HDAC9: variants seen among roughly 807,000 people sequenced by gnomAD.
HDAC9 encodes histone deacetylase 9.
A neutral mutation model predicts 139.4 loss-of-function variants in HDAC9; 41 were observed. The observed-to-expected ratio is 0.29, with a 90% CI of 0.23 to 0.38. HDAC9 has a LOEUF of 0.38. Among genes scored for constraint, HDAC9 ranks in the 10% least tolerant of loss-of-function variants. The probability of loss-of-function intolerance (pLI) is 1.00; values close to 1 mark genes in which losing one functional copy is unlikely to be tolerated. For synonymous variants in HDAC9, 517 were observed against 476.2 expected (o/e 1.09, Z -1.12); for missense variants, 1,147 against 1,297.0 (o/e 0.88, Z 1.78).
At chr7:18,216,782 A>G (rs1792345856) in intron 2 of HDAC9, among the ~76,000 whole-genome samples, 1 of 152,074 alleles carries the variant, frequency 6.6e-6, no homozygotes, top group Admixed American at 6.6e-5. Flanking sequence ...ATACTGAATG[A>G]TAGTTTTCTG....
At chr7:18,425,045 G>T (rs987194924) in intron 1 of HDAC9, among the ~76,000 whole-genome samples, 1 of 152,036 alleles carries the variant, frequency 6.6e-6, no homozygotes, top group African/African-American at 2.4e-5. Flanking sequence ...CCTAGGAGAG[G>T]TATATGAAAA....
At chr7:18,945,799 G>A (rs1326900842) in intron 23 of HDAC9, among the ~76,000 whole-genome samples, 1 of 151,936 alleles carries the variant, frequency 6.6e-6, no homozygotes, top group Admixed American at 6.6e-5. Context: ...AGCACTTTGG[G>A]AGGCCAAGGT....
chr7:18,533,642 C>G (rs1809820592), intron 2 of HDAC9, among the ~76,000 whole-genome samples: 1 of 152,068 alleles, frequency 6.6e-6, no homozygotes, highest in Non-Finnish European at 1.5e-5. Flanking sequence ...AACAGTGTAT[C>G]TTACCTTATT....
At chr7:18,258,986 T>TG (rs1795465387) in intron 2 of HDAC9, among the ~76,000 whole-genome samples, 1 of 101,806 alleles carries the variant, frequency 9.8e-6, no homozygotes, top group African/African-American at 3.3e-5. Flanking sequence ...TTTTTTTTTT[T>TG]TTAAACAGGG....
chr7:18,800,441 A>G (rs774262323), intron 17 of HDAC9, among the ~76,000 whole-genome samples: 1 of 152,196 alleles, frequency 6.6e-6, no homozygotes, highest in Non-Finnish European at 1.5e-5. Flanking sequence ...GATGAGTTTG[A>G]CAATAATTAA....
chr7:18,947,936 C>T (rs1200151443), intron 23 of HDAC9, among the ~76,000 whole-genome samples: 1 of 151,802 alleles, frequency 6.6e-6, no homozygotes, highest in Non-Finnish European at 1.5e-5. Context: ...ATCAACTTTC[C>T]AAACTAATTC....
intron 13 of HDAC9, among the ~76,000 whole-genome samples, chr7:18,737,221 GTC>G (rs1787003915): frequency 6.6e-6 from 1 of 152,042 alleles, no homozygotes; most frequent in Non-Finnish European, 1.5e-5. Context: ...GGCTTTTTGT[GTC>G]TCTATCTCCT....
At chr7:18,469,723 T>A (rs1434296891) in intron 1 of HDAC9, among the ~76,000 whole-genome samples, 2 of 152,200 alleles carry the variant, frequency 1.3e-5, no homozygotes, top group African/African-American at 4.8e-5. Context: ...TCCTAGTTAT[T>A]GTGAAAATAA....
intron 1 of HDAC9, among the ~76,000 whole-genome samples, chr7:18,450,101 G>A (rs772952632): frequency 3.3e-5 from 5 of 152,150 alleles, no homozygotes; most frequent in Non-Finnish European, 7.4e-5. Flanking sequence ...GAAGTAAGTG[G>A]ACTCAGACTA....
intron 12 of HDAC9, among the ~76,000 whole-genome samples, chr7:18,719,331 C>CTTTTTT (rs757689693): frequency 0.065 from 4,777 of 73,740 alleles, 587 homozygotes; most frequent in East Asian, 0.093. Flanking sequence ...TTTTCTCTTC[C>CTTTTTT]TTTTTTTTTT....
At chr7:18,114,507 A>G (rs1783837555) in intron 1 of HDAC9, among the ~76,000 whole-genome samples, 1 of 152,182 alleles carries the variant, frequency 6.6e-6, no homozygotes, top group Admixed American at 6.5e-5. Flanking sequence ...CTGGAAGGCT[A>G]CCTTTTTAGT....
intron 11 of HDAC9, among the ~76,000 whole-genome samples, chr7:18,656,170 T>A (rs1457356775): frequency 1.3e-5 from 2 of 151,804 alleles, no homozygotes; most frequent in Non-Finnish European, 2.9e-5. Context: ...GACCCTGAAA[T>A]GTCATCTGGT....
At chr7:18,877,692 T>A (rs1051130707) in intron 22 of HDAC9, among the ~76,000 whole-genome samples, 1 of 152,202 alleles carries the variant, frequency 6.6e-6, no homozygotes, top group Non-Finnish European at 1.5e-5. Context: ...TTGTTTGTTT[T>A]TAAACATTGT....
At chr7:18,436,174 C>A (rs1022904329) in intron 1 of HDAC9, among the ~76,000 whole-genome samples, 1 of 152,050 alleles carries the variant, frequency 6.6e-6, no homozygotes, top group African/African-American at 2.4e-5. Context: ...TATGTATGTA[C>A]ACAACATACA....
chr7:18,991,641 G>GA (rs1270525942), intron 25 of HDAC9, among the ~76,000 whole-genome samples: 1,172 of 95,676 alleles, frequency 0.012, 9 homozygotes, highest in African/African-American at 0.033. Context: ...CGTCTCAAAA[G>GA]AAAAAAAAAA....
At chr7:18,527,545 G>A (rs1807356718) in intron 2 of HDAC9, among the ~76,000 whole-genome samples, 1 of 152,004 alleles carries the variant, frequency 6.6e-6, no homozygotes, top group Admixed American at 6.6e-5. Flanking sequence ...CCCTCTTTTG[G>A]TTTTATCTAA....
intron 2 of HDAC9, among the ~76,000 whole-genome samples, chr7:18,573,182 GAAAC>G (rs1393568681): frequency 2.0e-5 from 3 of 152,124 alleles, no homozygotes; most frequent in Non-Finnish European, 4.4e-5. Context: ...TTGACTTTAA[GAAAC>G]TAAAGACATG....
chr7:18,252,876 GC>G (rs1795007148), intron 2 of HDAC9, among the ~76,000 whole-genome samples: 1 of 152,100 alleles, frequency 6.6e-6, no homozygotes, highest in Non-Finnish European at 1.5e-5. Context: ...CAGGTATTAA[GC>G]CTAGTCCCCA....
At chr7:18,298,623 C>T (rs981110109) in intron 1 of HDAC9, among the ~76,000 whole-genome samples, 13 of 152,100 alleles carry the variant, frequency 8.5e-5, no homozygotes, top group Non-Finnish European at 1.6e-4. Context: ...CTCATCAATT[C>T]TTACTTGAGA....
Sources: allele counts gnomAD v4.1 joint callset (sites outside exome capture counted in the v4.1 genomes callset), GRCh38; gene constraint gnomAD v4.1.1; transcripts MANE v1.5; gene names NCBI Gene and HGNC (gene_info 2026-07-23, HGNC 2026-07-21).